RASSF3: variants seen among roughly 807,000 people sequenced by gnomAD.
The protein encoded by RASSF3 is ras association domain-containing protein 3.
In RASSF3, 19 loss-of-function variants were observed where a neutral mutation model predicts 19.9. That is an observed-to-expected ratio of 0.96 (90% CI 0.67 to 1.40). RASSF3 has a LOEUF of 1.40. RASSF3 is among the 40% of genes most tolerant of loss of function. The pLI is 0.00. For missense variants in RASSF3, 306 were observed against 289.8 expected, an observed-to-expected ratio of 1.06 and a Z score of -0.41; for synonymous variants, 110 against 104.2, an observed-to-expected ratio of 1.06 and a Z score of -0.34.
chr12:64,634,740 G>A (rs1013683000), intron 1 of RASSF3, among the ~76,000 whole-genome samples: 6 of 124,406 alleles, frequency 4.8e-5, no homozygotes, highest in Admixed American at 1.0e-4. Context: ...CAGCCTGCAC[G>A]ACACAGCGAG....
chr12:64,592,722 G>A (rs972635100), intron 2 of RASSF3, among the ~76,000 whole-genome samples: 2 of 152,120 alleles, frequency 1.3e-5, no homozygotes, highest in South Asian at 2.1e-4. Context: ...CTGCAGCCTT[G>A]AACTCCTGGG....
intron 1 of RASSF3, among the ~76,000 whole-genome samples, chr12:64,635,343 G>T (rs925968738): frequency 1.3e-5 from 2 of 151,950 alleles, no homozygotes; most frequent in African/African-American, 4.8e-5. Flanking sequence ...CATTTATTAC[G>T]TGCCTGTCTA....
At chr12:64,544,093 C>A (rs137951627), downstream of RASSF3, among the ~76,000 whole-genome samples, 1 of 152,104 alleles carries the variant, frequency 6.6e-6, no homozygotes, top group South Asian at 2.1e-4. Flanking sequence ...GGTCCCGTTC[C>A]GCACAGTTCT....
At chr12:64,525,782 A>G (rs746191814) in intron 1 of RASSF3, among the ~76,000 whole-genome samples, 1 of 152,038 alleles carries the variant, frequency 6.6e-6, no homozygotes, top group East Asian at 1.9e-4. Context: ...ATATTACTGT[A>G]GTGTGATCAG....
chr12:64,508,654 G>A (rs1478170850), intron 1 of RASSF3, among the ~76,000 whole-genome samples: 2 of 152,156 alleles, frequency 1.3e-5, no homozygotes, highest in Admixed American at 1.3e-4. Flanking sequence ...GGAGGCCGAG[G>A]CGGGCAGATC....
chr12:64,533,698 A>T (rs1025833211), intron 1 of RASSF3: 1 of 152,202 alleles, frequency 6.6e-6, no homozygotes, highest in African/African-American at 2.4e-5. Flanking sequence ...TTGACCAGTT[A>T]TAAATATAAA....
At chr12:64,586,372 C>A (rs1292922089) in intron 2 of RASSF3, among the ~76,000 whole-genome samples, 1 of 151,090 alleles carries the variant, frequency 6.6e-6, no homozygotes, top group African/African-American at 2.4e-5. Context: ...CACCCGTAGT[C>A]CCACCTACTC....
chr12:64,513,406 T>C (rs912721921), intron 1 of RASSF3, among the ~76,000 whole-genome samples: 2 of 146,790 alleles, frequency 1.4e-5, no homozygotes, highest in African/African-American at 5.1e-5. Flanking sequence ...GCTGAGATCA[T>C]GCCACTGCAC....
At chr12:64,676,772 C>CTT (rs1347528750) in intron 1 of RASSF3, among the ~76,000 whole-genome samples, 7 of 129,106 alleles carry the variant, frequency 5.4e-5, no homozygotes, top group Non-Finnish European at 8.4e-5. Context: ...CACCTGGCCA[C>CTT]TTTTTTTTTT....
At chr12:64,588,021 C>T (rs1012431204) in intron 2 of RASSF3, among the ~76,000 whole-genome samples, 2 of 152,178 alleles carry the variant, frequency 1.3e-5, no homozygotes, top group Admixed American at 6.6e-5. Flanking sequence ...CCAAGTTTCG[C>T]TCAAATGGTT....
At chr12:64,554,284 T>C (rs1042539755) in intron 2 of RASSF3, among the ~76,000 whole-genome samples, 40 of 152,144 alleles carry the variant, frequency 2.6e-4, no homozygotes, top group African/African-American at 9.4e-4. Flanking sequence ...ATTCAGTAGA[T>C]TGAAATGTGT....
At chr12:64,510,985 G>C (rs368565204) in intron 1 of RASSF3, among the ~76,000 whole-genome samples, 6 of 152,314 alleles carry the variant, frequency 3.9e-5, no homozygotes, top group African/African-American at 1.4e-4. Context: ...CTTTGAGCAA[G>C]TCACTTAGAT....
At chr12:64,619,373 G>A (rs1317515667) in intron 1 of RASSF3, among the ~76,000 whole-genome samples, 1 of 151,812 alleles carries the variant, frequency 6.6e-6, no homozygotes, top group African/African-American at 2.4e-5. Flanking sequence ...CTGACCTAAT[G>A]GCATTCTCGG....
At chr12:64,647,415 T>TTC (rs1420059551) in intron 1 of RASSF3, among the ~76,000 whole-genome samples, 10 of 149,640 alleles carry the variant, frequency 6.7e-5, no homozygotes, top group South Asian at 4.2e-4. Context: ...TTTTTTTCTT[T>TTC]TTTTTTTTTT....
chr12:64,609,002 T>G (rs1452075151), upstream of RASSF3, among the ~76,000 whole-genome samples: 1 of 152,156 alleles, frequency 6.6e-6, no homozygotes, highest in Non-Finnish European at 1.5e-5. Flanking sequence ...GGAGTTGTTG[T>G]GAATCACGTG....
At chr12:64,651,660 GGTT>G (rs1197504388) in intron 1 of RASSF3, among the ~76,000 whole-genome samples, 1 of 151,796 alleles carries the variant, frequency 6.6e-6, no homozygotes, top group Non-Finnish European at 1.5e-5. Context: ...ATGCCTGGCT[GGTT>G]GTTGTTGTTT....
downstream of RASSF3, among the ~76,000 whole-genome samples, chr12:64,542,102 A>G (rs914533056): frequency 6.6e-5 from 10 of 152,170 alleles, no homozygotes; most frequent in Admixed American, 6.5e-4. Flanking sequence ...TGAGTCTGAG[A>G]CCAACCTGGG....
At chr12:64,613,669 C>T (rs1870450984) in intron 1 of RASSF3, among the ~76,000 whole-genome samples, 1 of 152,042 alleles carries the variant, frequency 6.6e-6, no homozygotes, top group Non-Finnish European at 1.5e-5. Flanking sequence ...GTCTAGGCCA[C>T]GTGTGGTAGC....
rs529388969 is a variant in RASSF3 at position 64,601,612 on chromosome 12, A to G, written c.294+59907A>G. On this transcript the variant is annotated intron_variant, in intron 2 of 5. Transcript: ENST00000637125. Reference sequence around the variant, plus strand: ...TGAGGTGGGTGGATTGCTAGAGCCCAGGAATTTGAGACCAGCCTGGGCAAC... The same window carrying G: ...TGAGGTGGGTGGATTGCTAGAGCCCGGGAATTTGAGACCAGCCTGGGCAAC... Among the ~76,000 whole-genome samples the G allele has an allele frequency of 8.6e-5, 13 of 151,954 alleles. No homozygotes were observed. The South Asian group carries it at 2.7e-3, about 32-fold the overall frequency.
Sources: gnomAD v4.1 joint callset for allele counts (sites outside exome capture counted in the v4.1 genomes callset) on GRCh38, gnomAD v4.1.1 for gene constraint, MANE v1.5 for transcripts, NCBI Gene and HGNC (gene_info 2026-07-23, HGNC 2026-07-21) for gene names.